Variants in PRKCB observed in about 807,000 individuals in gnomAD.
PRKCB encodes the protein protein kinase C beta type.
A neutral mutation model predicts 81.5 loss-of-function variants in PRKCB; 13 were observed. The observed-to-expected ratio is 0.16, with a 90% CI of 0.10 to 0.25. PRKCB has a LOEUF of 0.25. PRKCB is among the 10% of genes least tolerant of loss of function. The pLI is 1.00. For synonymous variants in PRKCB, 335 were observed against 321.4 expected (o/e 1.04, Z -0.45); for missense variants, 509 against 875.7 (o/e 0.58, Z 5.29).
At chr16:24,120,595 T>C (rs182738250) in intron 8 of PRKCB, among the ~76,000 whole-genome samples, 1 of 152,154 alleles carries the variant, frequency 6.6e-6, no homozygotes, top group Non-Finnish European at 1.5e-5. Flanking sequence ...ATCCTGCCAG[T>C]TGGTCAGAAC....
chr16:24,006,520 GC>G (rs2141834294), intron 3 of PRKCB, among the ~76,000 whole-genome samples: 1 of 152,320 alleles, frequency 6.6e-6, no homozygotes, highest in South Asian at 2.1e-4. Context: ...GGTTCTACTA[GC>G]TTTTGTTGTT....
chr16:24,099,532 G>C (rs954947813), intron 7 of PRKCB: 1 of 152,224 alleles, frequency 6.6e-6, no homozygotes, highest in Non-Finnish European at 1.5e-5. Context: ...TACAGGCAAA[G>C]ACATAAATCA....
At chr16:23,944,718 G>A (rs1427657475) in intron 2 of PRKCB, among the ~76,000 whole-genome samples, 1 of 152,218 alleles carries the variant, frequency 6.6e-6, no homozygotes. Context: ...TGCAGTGTCT[G>A]CGGTTGGGAG....
intron 7 of PRKCB, among the ~76,000 whole-genome samples, chr16:24,112,543 GCAACAACAACAATAA>G (rs1966688076): frequency 6.7e-6 from 1 of 149,710 alleles, no homozygotes. Flanking sequence ...ATCTCTAAAA[GCAACAACAACAATAA>G]CAACAACAAC....
At chr16:23,846,944 G>T (rs1349394769) in intron 2 of PRKCB, among the ~76,000 whole-genome samples, 1 of 151,900 alleles carries the variant, frequency 6.6e-6, no homozygotes, top group East Asian at 1.9e-4. Context: ...CTGCTTGTTT[G>T]TGGTCTCCTG....
At chr16:24,053,384 C>T (rs373609540) in intron 5 of PRKCB, among the ~76,000 whole-genome samples, 12 of 152,308 alleles carry the variant, frequency 7.9e-5, no homozygotes, top group African/African-American at 2.4e-4. Flanking sequence ...CATTGTAACA[C>T]GGAAGTGGCC....
At chr16:23,989,838 C>T (rs1964855779) in intron 3 of PRKCB, among the ~76,000 whole-genome samples, 1 of 152,138 alleles carries the variant, frequency 6.6e-6, no homozygotes, top group African/African-American at 2.4e-5. Context: ...ACTTGCTTTT[C>T]CCGGCTCTCT....
intron 9 of PRKCB, among the ~76,000 whole-genome samples, chr16:24,140,203 C>T (rs1245065844): frequency 2.0e-5 from 3 of 152,216 alleles, no homozygotes; most frequent in Middle Eastern, 3.4e-3. Flanking sequence ...CGAAGTCTGA[C>T]GCTTAAGAAT....
At chr16:24,162,641 G>T (rs1967277109) in intron 10 of PRKCB, among the ~76,000 whole-genome samples, 1 of 151,740 alleles carries the variant, frequency 6.6e-6, no homozygotes, top group Non-Finnish European at 1.5e-5. Flanking sequence ...TTGTAGAGAT[G>T]GGGTTGAGAC....
intron 9 of PRKCB, among the ~76,000 whole-genome samples, chr16:24,133,001 C>T (rs905923185): frequency 5.9e-5 from 9 of 152,216 alleles, no homozygotes; most frequent in African/African-American, 1.7e-4. Context: ...GTTTTAACAG[C>T]GATTCCGTGG....
At chr16:23,889,131 C>T (rs950461162) in intron 2 of PRKCB, among the ~76,000 whole-genome samples, 10 of 127,456 alleles carry the variant, frequency 7.8e-5, no homozygotes, top group Non-Finnish European at 1.3e-4. Flanking sequence ...TCCATCCATC[C>T]ATCCATCCAT....
At chr16:23,979,960 C>T (rs1964673564) in intron 2 of PRKCB, among the ~76,000 whole-genome samples, 1 of 152,178 alleles carries the variant, frequency 6.6e-6, no homozygotes, top group Non-Finnish European at 1.5e-5. Context: ...TGATGCATGC[C>T]TGTAGTCCCA....
intron 7 of PRKCB, among the ~76,000 whole-genome samples, 194 bp from the exon 8 acceptor site, chr16:24,112,779 T>C (rs1294777392): frequency 6.6e-6 from 1 of 152,056 alleles, no homozygotes; most frequent in Non-Finnish European, 1.5e-5. Context: ...CAAAAATACA[T>C]AGTGTACCTG....
intron 9 of PRKCB, among the ~76,000 whole-genome samples, chr16:24,153,089 G>A (rs1461012439): frequency 1.3e-5 from 2 of 152,172 alleles, no homozygotes; most frequent in Non-Finnish European, 2.9e-5. Context: ...CATGAGTTTA[G>A]CCAGACCTTT....
Position 24,220,198 on chromosome 16 carries a change from G to T in PRKCB, c.*5382G>T. ...CAATTCTAGTCTTCCAGGATTCACG[G>T]TGCACATGCTGGCATTCAACATGTG... On this transcript the variant is annotated 3_prime_UTR_variant, in exon 17 of 17. Transcript: ENST00000643927. 3 of 1,510,750 alleles carry T rather than the reference G, an allele frequency of 2.0e-6. No individual in the cohort carries two copies. The highest frequency in any genetic ancestry group is 2.7e-6 in the Non-Finnish European group (3 of 1,106,130). The allele number at this position is 1,510,750 out of a possible 1,614,324, so 93.6% of individuals were successfully genotyped here.
In PRKCB at chr16:24,219,968, A is replaced by G; in HGVS notation, c.*5152A>G. Reference sequence around the variant, plus strand: ...TTACTTTCCATTTGGCAGAGAGACAAGAGAGACACCTCCAACTTCGACAAA... The same window carrying G: ...TTACTTTCCATTTGGCAGAGAGACAGGAGAGACACCTCCAACTTCGACAAA... On this transcript the variant is annotated 3_prime_UTR_variant, in exon 17 of 17. Coordinates refer to ENST00000643927, the MANE Select transcript of PRKCB (RefSeq NM_002738.7). The G allele has an allele frequency of 6.2e-7, 1 of 1,614,024 alleles. No homozygotes were observed. Among genetic ancestry groups the G allele is most frequent in the Non-Finnish European group, 8.5e-7 (1 of 1,179,960 alleles).
intron 9 of PRKCB, among the ~76,000 whole-genome samples, chr16:24,129,530 T>TCTAC: frequency 6.6e-6 from 1 of 152,082 alleles, no homozygotes; most frequent in South Asian, 2.1e-4. Flanking sequence ...CATCTATCTA[T>TCTAC]CTATCTATCT....
chr16:24,047,286 G>A (rs2141866760), intron 5 of PRKCB, among the ~76,000 whole-genome samples: 1 of 152,252 alleles, frequency 6.6e-6, no homozygotes, highest in South Asian at 2.1e-4. Context: ...AAGTTGCAGT[G>A]AGCTGAGATT....
chr16:24,087,266 A>G (rs998962312), intron 5 of PRKCB, among the ~76,000 whole-genome samples: 3 of 152,242 alleles, frequency 2.0e-5, no homozygotes, highest in African/African-American at 7.2e-5. Flanking sequence ...TTCTTAAACA[A>G]AGAGGCATTA....
Sources: gnomAD v4.1 joint callset for allele counts (sites outside exome capture counted in the v4.1 genomes callset) on GRCh38, gnomAD v4.1.1 for gene constraint, MANE v1.5 for transcripts, NCBI Gene and HGNC (gene_info 2026-07-23, HGNC 2026-07-21) for gene names.